The following PCCA variants were observed in gnomAD, a reference collection of about 807,000 sequenced individuals.
PCCA encodes the protein propionyl-CoA carboxylase subunit alpha.
A neutral mutation model predicts 101.3 loss-of-function variants in PCCA; 74 were observed. That is an observed-to-expected ratio of 0.73 (90% CI 0.61 to 0.89). The LOEUF (loss-of-function observed/expected upper bound fraction) is 0.89, where lower values mean the gene tolerates loss of function less well. Ranked by LOEUF, PCCA falls within the 40% of genes least tolerant of loss-of-function variation. The pLI, the probability that PCCA is intolerant of heterozygous loss-of-function variation, is 0.00. For missense variants in PCCA, 891 were observed against 907.0 expected (o/e 0.98, Z 0.23); for synonymous variants, 294 against 313.6 (o/e 0.94, Z 0.66).
At chr13:100,399,464 A>G (rs527281226) in intron 19 of PCCA, among the ~76,000 whole-genome samples, 50 of 152,338 alleles carry the variant, frequency 3.3e-4, no homozygotes, top group African/African-American at 1.1e-3. Flanking sequence ...TGAAAAGCCA[A>G]TTGGTGAATT....
intron 16 of PCCA, among the ~76,000 whole-genome samples, chr13:100,325,686 A>G (rs1205855567): frequency 6.6e-6 from 1 of 152,178 alleles, no homozygotes; most frequent in African/African-American, 2.4e-5. Context: ...GAAGCTGCTC[A>G]TCTCCTAGCC....
chr13:100,404,092 T>G (rs956161205), intron 19 of PCCA, among the ~76,000 whole-genome samples: 1 of 152,220 alleles, frequency 6.6e-6, no homozygotes, highest in African/African-American at 2.4e-5. Context: ...GAAGGGGCCG[T>G]TGTCAGAGTC....
At chr13:100,331,064 A>C (rs2069485737) in intron 17 of PCCA, among the ~76,000 whole-genome samples, 1 of 152,230 alleles carries the variant, frequency 6.6e-6, no homozygotes. Context: ...AATAGCACTG[A>C]AAATTTCAGA....
At chr13:100,392,411 G>T (rs2076842859) in intron 19 of PCCA, among the ~76,000 whole-genome samples, 1 of 152,308 alleles carries the variant, frequency 6.6e-6, no homozygotes. Context: ...GTGTTTGCTA[G>T]TTTAATTTGT....
chr13:100,420,094 A>G (rs894378492), intron 19 of PCCA, among the ~76,000 whole-genome samples: 1 of 152,236 alleles, frequency 6.6e-6, no homozygotes, highest in Non-Finnish European at 1.5e-5. Context: ...CTTGTGCCTC[A>G]GGATATTATG....
chr13:100,437,535 A>ATT (rs1466501636), intron 20 of PCCA, among the ~76,000 whole-genome samples: 2 of 123,802 alleles, frequency 1.6e-5, no homozygotes, highest in Non-Finnish European at 3.3e-5. Context: ...TTATTTGTTT[A>ATT]TTTGTTTTTT....
chr13:100,201,628 G>A (rs1293172454), intron 6 of PCCA, among the ~76,000 whole-genome samples: 1 of 152,024 alleles, frequency 6.6e-6, no homozygotes, highest in Non-Finnish European at 1.5e-5. Context: ...AGAGGCTGAG[G>A]TGGGCGGATC....
intron 12 of PCCA, among the ~76,000 whole-genome samples, chr13:100,292,521 G>GT (rs2065204994): frequency 6.6e-6 from 1 of 152,162 alleles, no homozygotes. Context: ...TCTGCTAACT[G>GT]TGAGTATCTT....
At chr13:100,522,545 G>A (rs749487636) in intron 22 of PCCA, among the ~76,000 whole-genome samples, 2 of 152,170 alleles carry the variant, frequency 1.3e-5, no homozygotes, top group Non-Finnish European at 2.9e-5. Flanking sequence ...TGCTGTGAAC[G>A]TCCCCTGGCC....
intron 21 of PCCA, among the ~76,000 whole-genome samples, chr13:100,504,628 G>C (rs2085927411): frequency 6.6e-6 from 1 of 152,112 alleles, no homozygotes; most frequent in Admixed American, 6.5e-5. Flanking sequence ...GTGTTCTGAG[G>C]CTTCTTCATA....
chr13:100,198,986 C>G (rs2058305222), intron 6 of PCCA, among the ~76,000 whole-genome samples: 1 of 150,594 alleles, frequency 6.6e-6, no homozygotes, highest in African/African-American at 2.4e-5. Flanking sequence ...AAACACTTCA[C>G]TGGGCATAGA....
chr13:100,319,186 G>GT (rs1177151355), intron 16 of PCCA, among the ~76,000 whole-genome samples: 2 of 152,016 alleles, frequency 1.3e-5, no homozygotes, highest in Non-Finnish European at 2.9e-5. Context: ...GGGGTTGTTT[G>GT]TTTTTTTCTT....
chr13:100,107,117 T>G (rs2047874770), intron 2 of PCCA, among the ~76,000 whole-genome samples: 1 of 152,250 alleles, frequency 6.6e-6, no homozygotes, highest in African/African-American at 2.4e-5. Context: ...ATTTGTTAAA[T>G]AAATTGATTC....
chr13:100,342,782 C>T (rs1025076794), intron 18 of PCCA, among the ~76,000 whole-genome samples: 1 of 75,334 alleles, frequency 1.3e-5, no homozygotes, highest in Non-Finnish European at 3.3e-5. Flanking sequence ...AGTGTAGTGG[C>T]ACAGTCATAA....
chr13:100,171,868 T>C lies in PCCA; in HGVS notation c.468+14528T>C, dbSNP rs147109975. The stretch of plus-strand genomic sequence containing the variant: ...TAACACGGTGAAACCCTGTCTCTAC[T>C]ACAAGTACAAAAAATTAGCCGGGCG... On this transcript the variant is annotated intron_variant, in intron 6 of 23. Transcript: ENST00000376285. 1.2e-3 allele frequency among the ~76,000 whole-genome samples: 178 copies of C among 152,042 alleles called. 2 individuals are homozygous for C. The highest frequency in any genetic ancestry group is 0.01 in the South Asian group (49 of 4,818).
At chr13:100,403,180 G>T (rs559175020) in intron 19 of PCCA, among the ~76,000 whole-genome samples, 2 of 152,174 alleles carry the variant, frequency 1.3e-5, no homozygotes, top group South Asian at 4.2e-4. Flanking sequence ...AGTAGTAAAA[G>T]AAATGGGAAG....
intron 19 of PCCA, among the ~76,000 whole-genome samples, chr13:100,413,588 C>A (rs112462607): frequency 3.3e-4 from 50 of 152,182 alleles, no homozygotes; most frequent in Admixed American, 7.9e-4. Context: ...GTTGAACTAC[C>A]ACCAACAGCC....
chr13:100,527,856 C>A, intron 23 of PCCA, 104 bp downstream of exon 23: 1 of 836,050 alleles, frequency 1.2e-6, no homozygotes, highest in Non-Finnish European at 2.1e-6. Flanking sequence ...GAGGCGCCCT[C>A]TCCCCCTCGC....
intron 8 of PCCA, among the ~76,000 whole-genome samples, chr13:100,247,023 C>T (rs1028946500): frequency 6.6e-6 from 1 of 151,454 alleles, no homozygotes; most frequent in African/African-American, 2.4e-5. Flanking sequence ...ATTCTCCTGT[C>T]TCAGCCTCCT....
Sources: allele counts gnomAD v4.1 joint callset (sites outside exome capture counted in the v4.1 genomes callset), GRCh38; gene constraint gnomAD v4.1.1; transcripts MANE v1.5; gene names NCBI Gene and HGNC (gene_info 2026-07-23, HGNC 2026-07-21).